Variants in NCOA3 observed in about 807,000 individuals in gnomAD.
The protein encoded by NCOA3 is CBP-interacting protein.
In NCOA3, 51 loss-of-function variants were observed where a neutral mutation model predicts 158.8. That is an observed-to-expected ratio of 0.32 (90% CI 0.26 to 0.41). The LOEUF is 0.41. Among genes scored for constraint, NCOA3 ranks in the 10% least tolerant of loss-of-function variants. The pLI is 1.00. For missense variants in NCOA3, 1,510 were observed against 1,746.6 expected (o/e 0.86, Z 2.41); for synonymous variants, 537 against 592.4 (o/e 0.91, Z 1.36).
In NCOA3 at chr20:47,641,073, TCTCTA is replaced by T. The variant is rs1176025625; in HGVS notation, c.3080+1028_3080+1032del. On this transcript the variant is annotated intron_variant, in intron 16 of 22. Coordinates refer to ENST00000371998, the MANE Select transcript of NCOA3 (RefSeq NM_181659.3). ...AACTATATGAATTTATTTGAGTGCT[TCTCTA>T]CTCTATATGAATTTATTTGAATGCT... Among the ~76,000 whole-genome samples the T allele has an allele frequency of 3.3e-5, 5 of 152,296 alleles. No homozygotes were observed. In the South Asian group the frequency reaches 6.2e-4, roughly 19 times the overall value.
intron 1 of NCOA3, among the ~76,000 whole-genome samples, chr20:47,525,942 A>AC (rs1295281382): frequency 0.016 from 1,158 of 73,230 alleles, no homozygotes; most frequent in Admixed American, 0.03. Flanking sequence ...CGGGGGGCTG[A>AC]CCCCCCCACC....
At chr20:47,601,650 T>G (rs570220430) in intron 2 of NCOA3, among the ~76,000 whole-genome samples, 1 of 152,330 alleles carries the variant, frequency 6.6e-6, no homozygotes, top group South Asian at 2.1e-4. Flanking sequence ...TTCTTACGAT[T>G]TTGTCTGTTT....
intron 1 of NCOA3, among the ~76,000 whole-genome samples, chr20:47,512,044 G>A (rs2084150666): frequency 6.6e-6 from 1 of 151,986 alleles, no homozygotes; most frequent in South Asian, 2.1e-4. Flanking sequence ...GCTGGGTGCA[G>A]GGGCTCATGC....
At chr20:47,648,965 C>T (rs757360865) in intron 18 of NCOA3, 40 bp from the exon 19 acceptor site, 18 of 1,294,066 alleles carry the variant, frequency 1.4e-5, no homozygotes, top group South Asian at 7.3e-5. Flanking sequence ...GGCAGACTGA[C>T]GTGCTCTGCT....
rs1307473012 is a variant in NCOA3 at position 47,545,034 on chromosome 20, T to A, written c.-98-38149T>A. 2.0e-5 allele frequency among the ~76,000 whole-genome samples: 3 copies of A among 152,172 alleles called. No homozygotes were observed. The East Asian group carries it at 5.8e-4, about 29-fold the overall frequency. On this transcript the variant is annotated intron_variant, in intron 1 of 22. Coordinates refer to ENST00000371998, the MANE Select transcript of NCOA3 (RefSeq NM_181659.3). ...AGCTGGCTTGGTGATGATAAAATTC[T>A]GTTCCACAGTATCTGAAATATGTCA...
At chr20:47,632,569 A>G (rs753493270) in intron 8 of NCOA3, among the ~76,000 whole-genome samples, 3 of 150,920 alleles carry the variant, frequency 2.0e-5, no homozygotes, top group Non-Finnish European at 3.0e-5. Flanking sequence ...TGTATTCTTA[A>G]TAGAGATGGG....
intron 1 of NCOA3, among the ~76,000 whole-genome samples, chr20:47,567,802 C>A (rs1692146727): frequency 6.6e-6 from 1 of 152,036 alleles, no homozygotes; most frequent in Non-Finnish European, 1.5e-5. Flanking sequence ...AACTCCTGAC[C>A]TCAGGTGATC....
At position 47,651,134 on chromosome 20, in the gene NCOA3, ACAGCAACAG is replaced by A. The variant is rs761455736; in HGVS notation, c.3820_3828del (p.Gln1274_Gln1276del). On this transcript the variant is annotated inframe_deletion, in exon 20 of 23. Coordinates refer to ENST00000371998, the MANE Select transcript of NCOA3 (RefSeq NM_181659.3). ...AGCAGCAGCAGCAACAGCAACAGCAACAGCAACAGCAGCAACAGCAGCAAACCCAGGCCT... is the reference window on the plus strand; with the variant it reads ...AGCAGCAGCAGCAACAGCAACAGCAACAGCAACAGCAGCAAACCCAGGCCT... 192 of 1,612,024 alleles carry A rather than the reference ACAGCAACAG, an allele frequency of 1.2e-4. 1 individual carries two copies. In the Middle Eastern group the frequency reaches 2.0e-3, roughly 17 times the overall value.
At chr20:47,546,790 C>G (rs903412040) in intron 1 of NCOA3, among the ~76,000 whole-genome samples, 1 of 152,118 alleles carries the variant, frequency 6.6e-6, no homozygotes, top group Admixed American at 6.6e-5. Flanking sequence ...CCTGGCCTCC[C>G]AAAGTGCTGA....
intron 2 of NCOA3, among the ~76,000 whole-genome samples, chr20:47,598,941 T>C (rs2085811002): frequency 6.6e-6 from 1 of 152,248 alleles, no homozygotes; most frequent in Admixed American, 6.5e-5. Context: ...GTACCTTTTC[T>C]ATGTTTAGAT....
At chr20:47,514,183 T>G (rs562694311) in intron 1 of NCOA3, among the ~76,000 whole-genome samples, 73 of 151,786 alleles carry the variant, frequency 4.8e-4, no homozygotes, top group Non-Finnish European at 8.1e-4. Flanking sequence ...ATCAGAAGAT[T>G]TTATTTTTTT....
intron 1 of NCOA3, among the ~76,000 whole-genome samples, chr20:47,523,645 C>T (rs573471535): frequency 6.6e-6 from 1 of 152,234 alleles, no homozygotes; most frequent in Non-Finnish European, 1.5e-5. Context: ...TTTTTAAGTA[C>T]CTGTAGATTT....
chr20:47,539,351 A>G (rs910325899), intron 1 of NCOA3, among the ~76,000 whole-genome samples: 1 of 152,200 alleles, frequency 6.6e-6, no homozygotes, highest in East Asian at 1.9e-4. Flanking sequence ...CCAGGAAAAA[A>G]TAAAATAAAA....
intron 2 of NCOA3, among the ~76,000 whole-genome samples, chr20:47,609,514 G>A (rs2086010149): frequency 1.3e-5 from 2 of 152,084 alleles, no homozygotes; most frequent in Non-Finnish European, 2.9e-5. Flanking sequence ...CATGTCACGA[G>A]GTCAGGAGTT....
chr20:47,621,365 CT>C (rs1252154010), intron 2 of NCOA3, among the ~76,000 whole-genome samples: 2 of 151,666 alleles, frequency 1.3e-5, no homozygotes, highest in Non-Finnish European at 2.9e-5. Flanking sequence ...ATTCTGCCAC[CT>C]AGTGGAAATT....
At chr20:47,553,971 C>T (rs1255905490) in intron 1 of NCOA3, among the ~76,000 whole-genome samples, 2 of 152,160 alleles carry the variant, frequency 1.3e-5, no homozygotes, top group Non-Finnish European at 2.9e-5. Flanking sequence ...GAGGAATCGC[C>T]ACACCGACTT....
At chr20:47,639,904 G>T (rs1453470019) in intron 15 of NCOA3, 21 bp from the exon 16 acceptor site, 3 of 1,613,714 alleles carry the variant, frequency 1.9e-6, no homozygotes, top group Non-Finnish European at 2.5e-6. Flanking sequence ...GAGAATTTGT[G>T]CTTTCTTTTT....
intron 2 of NCOA3, among the ~76,000 whole-genome samples, chr20:47,610,904 T>C (rs6018587): frequency 0.13 from 19,522 of 152,206 alleles, 1,720 homozygotes; most frequent in African/African-American, 0.24. Context: ...CTAACTTTAG[T>C]ACTATAGTGG....
intron 1 of NCOA3, among the ~76,000 whole-genome samples, chr20:47,550,134 ATT>A (rs3092339): frequency 1.4e-5 from 2 of 144,584 alleles, no homozygotes; most frequent in African/African-American, 5.1e-5. Context: ...TTGTATTTCA[ATT>A]TTTTTTTTTT....
Sources: gnomAD v4.1 joint callset for allele counts (sites outside exome capture counted in the v4.1 genomes callset) on GRCh38, gnomAD v4.1.1 for gene constraint, MANE v1.5 for transcripts, NCBI Gene and HGNC (gene_info 2026-07-23, HGNC 2026-07-21) for gene names.